Variants in MRPS18A observed in about 807,000 individuals in gnomAD.
MRPS18A encodes the protein mitochondrial ribosomal protein S18A.
Under a neutral mutation model 22.7 loss-of-function variants are expected in MRPS18A, and 20 were observed. The observed-to-expected ratio is 0.88, with a 90% CI of 0.62 to 1.28. MRPS18A has a LOEUF of 1.28. Ranked by LOEUF, MRPS18A falls within the 50% of genes most tolerant of loss-of-function variation. The pLI is 0.00. For missense variants in MRPS18A, 294 were observed against 262.6 expected (o/e 1.12, Z -0.83); for synonymous variants, 106 against 99.1 (o/e 1.07, Z -0.41).
chr6:43,675,553 C>G lies in MRPS18A; in HGVS notation c.317G>C (p.Gly106Ala), dbSNP rs563206132. 1.2e-6 allele frequency: 2 copies of G among 1,614,114 alleles called. No individual in the cohort carries two copies. Among genetic ancestry groups the G allele is most frequent in the African/African-American group, 2.7e-5 (2 of 75,034 alleles). ...HGGMLPRKIT[G>A]LCQEEHRKIE... is the part of the protein sequence containing the mutation. Reference sequence around the variant, plus strand: ...CTTGCGGTGTTCTTCCTGGCATAGGCCTGTGATCTTTCGGGGCAGCATGCC... The same window carrying G: ...CTTGCGGTGTTCTTCCTGGCATAGGGCTGTGATCTTTCGGGGCAGCATGCC... The change falls in exon 4 of 6, where the codon GGC (glycine) becomes GCC (alanine). Residue 106 changes from glycine (G) to alanine (A), a missense_variant. Transcript: ENST00000372133.
chr6:43,671,627 C>T lies in MRPS18A; in HGVS notation c.*135G>A. On this transcript the variant is annotated 3_prime_UTR_variant, in exon 6 of 6. Coordinates refer to ENST00000372133, the MANE Select transcript of MRPS18A (RefSeq NM_018135.4). ...GTACTGAAGTTAGTCCCACTGTCCC[C>T]TGTCCATGCATGTTGGAGGGACCAG... 2 of 1,021,338 alleles carry T rather than the reference C, an allele frequency of 2.0e-6. 1 individual carries two copies. Among genetic ancestry groups the T allele is most frequent in the South Asian group, 2.9e-5 (2 of 68,778 alleles). 63.3% of individuals were successfully genotyped at this position (1,021,338 alleles called of 1,614,324 possible).
In MRPS18A at chr6:43,673,439, GA is replaced by G. The variant is rs1773866715; in HGVS notation, c.447-1534del. Among the ~76,000 whole-genome samples the G allele has an allele frequency of 6.6e-6, 1 of 152,208 alleles. No individual in the cohort carries two copies. The highest frequency in any genetic ancestry group is 6.6e-5 in the Admixed American group (1 of 15,264). On this transcript the variant is annotated intron_variant, in intron 5 of 5. Coordinates refer to ENST00000372133, the MANE Select transcript of MRPS18A (RefSeq NM_018135.4). This position sits in a 1 kb window ranked among gnomAD's most constrained non-coding sequence, Gnocchi z 4.2. Reference sequence around the variant, plus strand: ...AGAAGGGTGCTCATTGAGATTTGGGGATGCAGAGGAAAAGCTGGAAAGGTTC... The same window carrying G: ...AGAAGGGTGCTCATTGAGATTTGGGGTGCAGAGGAAAAGCTGGAAAGGTTC...
chr6:43,686,770 T>A (rs1166426125), intron 1 of MRPS18A, among the ~76,000 whole-genome samples: 1 of 152,242 alleles, frequency 6.6e-6, no homozygotes, highest in African/African-American at 2.4e-5. Context: ...TCACTCATCC[T>A]TTCCTGCTTC....
chr6:43,675,845 G>A (rs1301931416), intron 3 of MRPS18A, among the ~76,000 whole-genome samples: 1 of 151,480 alleles, frequency 6.6e-6, no homozygotes, highest in Non-Finnish European at 1.5e-5. Flanking sequence ...AGAGCTCCCA[G>A]CTTCTCTATG....
chr6:43,681,423 G>C (rs933065597), intron 1 of MRPS18A, among the ~76,000 whole-genome samples: 1 of 152,242 alleles, frequency 6.6e-6, no homozygotes, highest in Non-Finnish European at 1.5e-5. Context: ...TCTATCCAAA[G>C]GAATTGGTCA....
chr6:43,682,077 A>C (rs923284413), intron 1 of MRPS18A, among the ~76,000 whole-genome samples: 1 of 152,214 alleles, frequency 6.6e-6, no homozygotes, highest in Non-Finnish European at 1.5e-5. Flanking sequence ...TGAGGCGGGA[A>C]GAAATACTTG....
chr6:43,672,102 C>T (rs1773739543), intron 5 of MRPS18A, 196 bp from the exon 6 acceptor site: 2 of 665,442 alleles, frequency 3.0e-6, no homozygotes, highest in Admixed American at 3.0e-5. Context: ...TGGGCTCTTG[C>T]TGCCGCAAGC....
intron 1 of MRPS18A, 61 bp downstream of exon 1, chr6:43,687,607 G>T: frequency 7.2e-7 from 1 of 1,384,392 alleles, no homozygotes; most frequent in Non-Finnish European, 1.0e-6. Flanking sequence ...CACCGGGGCT[G>T]GCGGAAGCAG....
At chr6:43,684,163 A>G (rs1038157966) in intron 1 of MRPS18A, among the ~76,000 whole-genome samples, 2 of 152,180 alleles carry the variant, frequency 1.3e-5, no homozygotes, top group African/African-American at 4.8e-5. Flanking sequence ...TGATGGCCAC[A>G]TGAACAGACA....
intron 2 of MRPS18A, among the ~76,000 whole-genome samples, chr6:43,680,623 C>T (rs1292652574): frequency 6.6e-6 from 1 of 152,140 alleles, no homozygotes; most frequent in East Asian, 1.9e-4. Flanking sequence ...CAAACCAGGG[C>T]GCCAGCTAGT....
At chr6:43,687,203 A>C (rs915179961) in intron 1 of MRPS18A, among the ~76,000 whole-genome samples, 1 of 152,124 alleles carries the variant, frequency 6.6e-6, no homozygotes, top group Non-Finnish European at 1.5e-5. Flanking sequence ...CCTCACAGGG[A>C]GACTAGCGGC....
At position 43,677,472 on chromosome 6, in the gene MRPS18A, C is replaced by T. The variant is rs117723605; in HGVS notation, c.252+1046G>A. On this transcript the variant is annotated intron_variant, in intron 3 of 5. Coordinates refer to ENST00000372133, the MANE Select transcript of MRPS18A (RefSeq NM_018135.4). ...GCACAGGGACAACCTGCAGGTCAAA[C>T]TGGCCCAGAGCCTGAATCACCTGAA... Among the ~76,000 whole-genome samples the T allele has an allele frequency of 6.6e-4, 101 of 152,324 alleles. 1 individual carries two copies. In the East Asian group the frequency reaches 0.019, roughly 28 times the overall value.
At chr6:43,681,212 A>C in intron 1 of MRPS18A, 92 bp from the exon 2 acceptor site, 3 of 1,344,048 alleles carry the variant, frequency 2.2e-6, no homozygotes, top group Non-Finnish European at 3.2e-6. Context: ...ATCTGGAAAA[A>C]AGCAGCCTTC....
chr6:43,678,440 G>A (rs755200986), intron 3 of MRPS18A, 78 bp downstream of exon 3: 2 of 1,065,882 alleles, frequency 1.9e-6, no homozygotes, highest in Non-Finnish European at 2.9e-6. Context: ...CTACAGCGGG[G>A]ACATGCTGCT....
chr6:43,684,069 T>C (rs1264157098), intron 1 of MRPS18A, among the ~76,000 whole-genome samples: 1 of 151,780 alleles, frequency 6.6e-6, no homozygotes, highest in Non-Finnish European at 1.5e-5. Flanking sequence ...AGCTAAGGAG[T>C]TAGAGGCCAG....
intron 1 of MRPS18A, among the ~76,000 whole-genome samples, chr6:43,681,825 T>C (rs1774433190): frequency 6.6e-6 from 1 of 152,236 alleles, no homozygotes; most frequent in Non-Finnish European, 1.5e-5. Context: ...GTGCTTTGCC[T>C]ATTTAGGTGA....
intron 1 of MRPS18A, among the ~76,000 whole-genome samples, chr6:43,685,219 T>C (rs1240558035): frequency 6.6e-6 from 1 of 152,220 alleles, no homozygotes; most frequent in East Asian, 1.9e-4. Context: ...TTGAGAAGAC[T>C]GAATAAATGT....
rs1311987736 is a variant in MRPS18A, at chr6:43,678,311, G to A, written c.252+207C>T. The A allele has an allele frequency of 2.4e-5, 11 of 467,912 alleles. No individual in the cohort carries two copies. The East Asian group carries it at 4.5e-4, about 19-fold the overall frequency. 29.0% of individuals were successfully genotyped at this position (467,912 alleles called of 1,614,324 possible). A position where few individuals can be genotyped will look rare whatever the true frequency, so the allele number is the denominator to read the frequency against. The stretch of plus-strand genomic sequence containing the variant: ...ATGAAGTGGCTTGGGAGGACCTGGT[G>A]GAGCCCATGCATCATTATTTTTTAA... On this transcript the variant is annotated intron_variant, in intron 3 of 5. Transcript: ENST00000372133.
chr6:43,674,016 CA>C (rs1396898010), intron 5 of MRPS18A, among the ~76,000 whole-genome samples: 1 of 152,208 alleles, frequency 6.6e-6, no homozygotes, highest in Non-Finnish European at 1.5e-5. Context: ...TGGTCCATAG[CA>C]TAGTTAGGGG....
Sources: gnomAD v4.1 joint callset for allele counts (sites outside exome capture counted in the v4.1 genomes callset) on GRCh38, gnomAD v4.1.1 for gene constraint, Gnocchi (gnomAD v3.1) non-coding constraint, MANE v1.5 for transcripts, NCBI Gene and HGNC (gene_info 2026-07-23, HGNC 2026-07-21) for gene names.